Variants in PSMD3 observed in about 807,000 individuals in gnomAD.
PSMD3 encodes the protein proteasome 26S subunit, non-ATPase 3, also known as 26S proteasome non-ATPase regulatory subunit 3.
Under a neutral mutation model 62.8 loss-of-function variants are expected in PSMD3, and 5 were observed. The observed-to-expected ratio is 0.08, with a 90% CI of 0.04 to 0.17. The LOEUF is 0.17. PSMD3 is among the 10% of genes least tolerant of loss of function. The pLI is 1.00. For synonymous variants in PSMD3, 265 were observed against 283.9 expected, an observed-to-expected ratio of 0.93 and a Z score of 0.67; for missense variants, 524 against 713.6, an observed-to-expected ratio of 0.73 and a Z score of 3.03.
chr17:39,988,970 G>C (rs1212654431), intron 4 of PSMD3, 151 bp downstream of exon 4: 8 of 1,049,756 alleles, frequency 7.6e-6, no homozygotes, highest in Admixed American at 2.1e-5. Flanking sequence ...GCCACGTGAG[G>C]GGTGTGGGAG....
chr17:39,983,553 G>A (rs938860867), intron 1 of PSMD3, among the ~76,000 whole-genome samples: 2 of 151,950 alleles, frequency 1.3e-5, no homozygotes, highest in African/African-American at 4.8e-5. Flanking sequence ...ATGAATCTTT[G>A]ATCACATTTG....
chr17:39,991,755 A>G (rs1046741277), intron 6 of PSMD3, among the ~76,000 whole-genome samples: 2 of 152,172 alleles, frequency 1.3e-5, no homozygotes, highest in African/African-American at 2.4e-5. Flanking sequence ...TTAAAGAAAA[A>G]GTTGGCTAGG....
Position 39,990,078 on chromosome 17 carries a change from TCTC to T in PSMD3, c.878-11_878-9del. The T allele has an allele frequency of 1.2e-6, 2 of 1,612,674 alleles. No individual in the cohort carries two copies. The highest frequency in any genetic ancestry group is 4.5e-5 in the East Asian group (2 of 44,858). On this transcript the variant is annotated splice_polypyrimidine_tract_variant and intron_variant, in intron 5 of 11. Transcript: ENST00000264639. Reference sequence around the variant, plus strand: ...ACCCTACTCTGTTGACCAACTCTCCTCTCCTCCACTCCCAGGGCGAATCAAAGC... The same window carrying T: ...ACCCTACTCTGTTGACCAACTCTCCTCTCCACTCCCAGGGCGAATCAAAGC...
chr17:39,987,837 G>T (rs1312421852), intron 3 of PSMD3, among the ~76,000 whole-genome samples: 1 of 152,214 alleles, frequency 6.6e-6, no homozygotes, highest in Non-Finnish European at 1.5e-5. Flanking sequence ...GCCAGGTATG[G>T]TGGCTCACGC....
chr17:39,996,195 G>T lies in PSMD3; in HGVS notation c.1333G>T (p.Gly445Cys). ...TGGGGGCCTGCAGGCCATCCGGGAT[G>T]GTGTCATTGAGGCCAGCATCAACCA... ...EFIVAKAIRDGVIEASINHEK... is the reference protein window; with the variant it reads ...EFIVAKAIRDCVIEASINHEK... The change falls in exon 10 of 12, where the codon GGT becomes TGT. Residue 445 changes from glycine (G) to cysteine (C), a missense_variant. Physicochemically the swap from Gly to Cys is radical, Grantham distance 159 (BLOSUM62 -3). This residue lies in a region of PSMD3 where 76 missense variants were observed against 97.3 expected (regional missense o/e 0.78). Transcript: ENST00000264639. The surrounding 1 kb of genome is among the most constrained non-coding windows in gnomAD (Gnocchi z 5.1). The T allele has an allele frequency of 1.9e-6, 3 of 1,613,894 alleles. No individual in the cohort carries two copies. The highest frequency in any genetic ancestry group is 1.1e-5 in the South Asian group (1 of 91,056).
In PSMD3 at chr17:39,981,047, C is replaced by A. The variant is rs1319502409; in HGVS notation, c.77C>A (p.Pro26His). Residue 26 changes from proline to histidine, a missense_variant, in exon 1 of 12, where the codon CCC becomes CAC. Physicochemically the swap from Pro to His is moderately conservative, Grantham distance 77 (BLOSUM62 -2). Coordinates refer to ENST00000264639, the MANE Select transcript of PSMD3 (RefSeq NM_002809.4). ...CCGCCCGGCGGAGGAGAACAAGAAC[C>A]CCCACCGCCGCCGGCCCCCCAGGAT... ...KPPPGGGEQE[P>H]PPPPAPQDVE... is the part of the protein sequence containing the mutation. 2 of 1,549,770 alleles carry A rather than the reference C, an allele frequency of 1.3e-6. No homozygotes were observed. Among genetic ancestry groups the A allele is most frequent in the Admixed American group, 3.9e-5 (2 of 50,988 alleles).
At chr17:39,984,199 C>CA (rs34306234) in intron 1 of PSMD3, 95 bp from the exon 2 acceptor site, 78,560 of 317,078 alleles carry the variant, frequency 0.25, 7,668 homozygotes, top group African/African-American at 0.42. Context: ...GACTCCGTCT[C>CA]AAAAAAAAAA....
Position 39,988,771 on chromosome 17 carries a change from A to G in PSMD3, c.638A>G (p.Tyr213Cys), listed in dbSNP as rs1598313059. Reference protein sequence around the residue: ...LDLVAAKCYYYHARVYEFLDK... With the variant: ...LDLVAAKCYYCHARVYEFLDK... Reference sequence around the variant, plus strand: ...CTTGTAGCCGCAAAGTGTTACTATTATCACGCCCGGGTCTATGAGTTCCTG... The same window carrying G: ...CTTGTAGCCGCAAAGTGTTACTATTGTCACGCCCGGGTCTATGAGTTCCTG... Residue 213 changes from tyrosine to cysteine, a missense_variant, in exon 4 of 12, where the codon TAT becomes TGT. Tyr to Cys is a radical substitution (Grantham distance 194). Around this residue, in one of 4 missense-constraint regions of PSMD3, gnomAD observed 396 missense variants for 475.8 expected, o/e 0.83. Coordinates refer to ENST00000264639, the MANE Select transcript of PSMD3 (RefSeq NM_002809.4). 6.2e-7 allele frequency: 1 copy of G among 1,614,120 alleles called. No homozygotes were observed. The highest frequency in any genetic ancestry group is 2.2e-5 in the East Asian group (1 of 44,892).
chr17:39,989,717 C>G, intron 4 of PSMD3, 22 bp from the exon 5 acceptor site: 1 of 1,598,356 alleles, frequency 6.3e-7, no homozygotes, highest in Non-Finnish European at 8.5e-7. Flanking sequence ...AAGGCTTTGA[C>G]ATCTTTCTTT....
At chr17:39,992,024 C>CAAAAAAAAAAAAAAAAAAAAAAAAGA (rs59894264) in intron 6 of PSMD3, among the ~76,000 whole-genome samples, 1 of 102,070 alleles carries the variant, frequency 9.8e-6, no homozygotes, top group African/African-American at 3.5e-5. Flanking sequence ...GACTCTGTCT[C>CAAAAAAAAAAAAAAAAAAAAAAAAGA]AAAAAAAAAC....
Position 39,981,176 on chromosome 17 carries a change from C to T in PSMD3, c.206C>T (p.Thr69Ile). Reference sequence around the variant, plus strand: ...GAGCACTCCCAGCGAGAGCTGGACACAGTCACCTTGGAGGGTACGGCAGCC... The same window carrying T: ...GAGCACTCCCAGCGAGAGCTGGACATAGTCACCTTGGAGGGTACGGCAGCC... ...AAEHSQRELDTVTLEDIKEHV... is the reference protein window; with the variant it reads ...AAEHSQRELDIVTLEDIKEHV... Residue 69 changes from threonine to isoleucine, a missense_variant, in exon 1 of 12, where the codon ACA (threonine) becomes ATA (isoleucine). By Grantham distance (89) the Thr-to-Ile change is moderately conservative (BLOSUM62 -1). Transcript: ENST00000264639. 6.4e-7 allele frequency: 1 copy of T among 1,550,844 alleles called. No individual in the cohort carries two copies. The highest frequency in any genetic ancestry group is 8.7e-7 in the Non-Finnish European group (1 of 1,146,860).
intron 6 of PSMD3, among the ~76,000 whole-genome samples, chr17:39,992,003 C>T (rs529677292): frequency 0.01 from 828 of 79,694 alleles, 8 homozygotes; most frequent in Non-Finnish European, 0.017. Context: ...GCAGCCTGGG[C>T]GACAGAGCAA....
chr17:39,983,495 C>T (rs184265250), intron 1 of PSMD3, among the ~76,000 whole-genome samples: 1 of 152,216 alleles, frequency 6.6e-6, no homozygotes, highest in East Asian at 1.9e-4. Flanking sequence ...AATCATTATA[C>T]CATTATATCT....
rs765351294 is a variant in PSMD3 at position 39,988,827 on chromosome 17, C to T, written c.686+8C>T. ...GCTGGATGTGGTGCGCAGGTACAGG[C>T]AGCCAAGCATCTCACTTGGGGTCCG... On this transcript the variant is annotated splice_region_variant and intron_variant, in intron 4 of 11. Coordinates refer to ENST00000264639, the MANE Select transcript of PSMD3 (RefSeq NM_002809.4). 3 of 1,613,144 alleles carry T rather than the reference C, an allele frequency of 1.9e-6. No individual in the cohort carries two copies. Among genetic ancestry groups the T allele is most frequent in the Non-Finnish European group, 8.5e-7 (1 of 1,179,970 alleles).
chr17:39,990,058 A>G (rs1014308729), intron 5 of PSMD3, 36 bp from the exon 6 acceptor site: 1 of 1,605,646 alleles, frequency 6.2e-7, no homozygotes, highest in African/African-American at 1.3e-5. Flanking sequence ...GGATGACCCT[A>G]CTCTGTTGAC....
At position 39,995,119 on chromosome 17, in the gene PSMD3, C is replaced by T; in HGVS notation, c.1096+51C>T. 2 of 1,613,876 alleles carry T rather than the reference C, an allele frequency of 1.2e-6. No individual in the cohort carries two copies. The highest frequency in any genetic ancestry group is 2.2e-5 in the South Asian group (2 of 91,072). On this transcript the variant is annotated intron_variant, in intron 7 of 11. Coordinates refer to ENST00000264639, the MANE Select transcript of PSMD3 (RefSeq NM_002809.4). This position sits in a 1 kb window ranked among gnomAD's most constrained non-coding sequence, Gnocchi z 4.1. ...GCCCACTAGGCCCCCTTCAGTGGGGCCTCTTACATGCCTGTGCCTATTTGC... is the reference window on the plus strand; with the variant it reads ...GCCCACTAGGCCCCCTTCAGTGGGGTCTCTTACATGCCTGTGCCTATTTGC...
chr17:39,986,074 ATAT>A (rs1980518817), intron 2 of PSMD3, among the ~76,000 whole-genome samples: 1 of 152,050 alleles, frequency 6.6e-6, no homozygotes, highest in African/African-American at 2.4e-5. Flanking sequence ...GTGTTTATTA[ATAT>A]TATATTGCCA....
intron 4 of PSMD3, 146 bp downstream of exon 4, chr17:39,988,965 G>A (rs1254937981): frequency 2.1e-5 from 23 of 1,090,880 alleles, no homozygotes; most frequent in South Asian, 5.7e-5. Flanking sequence ...CCTGCGCCAC[G>A]TGAGGGGTGT....
chr17:39,986,717 C>A lies in PSMD3; in HGVS notation c.549+5C>A. On this transcript the variant is annotated splice_donor_5th_base_variant and intron_variant, in intron 3 of 11. Transcript: ENST00000264639. ...AACAGCAAGCGCTACAAAGAGGTAT[C>A]CAGGATGCAGTGAGAGCGATTCATA... 6.2e-7 allele frequency: 1 copy of A among 1,614,052 alleles called. No individual in the cohort carries two copies. The highest frequency in any genetic ancestry group is 8.5e-7 in the Non-Finnish European group (1 of 1,179,984).
Sources: gnomAD v4.1 joint callset for allele counts (sites outside exome capture counted in the v4.1 genomes callset) on GRCh38, gnomAD v4.1.1 for gene constraint, gnomAD v4.1.1 regional missense constraint, Gnocchi (gnomAD v3.1) non-coding constraint, MANE v1.5 for transcripts, NCBI Gene and HGNC (gene_info 2026-07-23, HGNC 2026-07-21) for gene names.